Variants in TFEC observed in about 807,000 individuals in gnomAD.
The protein encoded by TFEC is transcription factor EC.
A neutral mutation model predicts 41.6 loss-of-function variants in TFEC; 31 were observed. That is an observed-to-expected ratio of 0.74 (90% CI 0.56 to 1.01). TFEC has a LOEUF of 1.01. Ranked by LOEUF, TFEC falls within the 50% of genes least tolerant of loss-of-function variation. The pLI, the probability that TFEC is intolerant of heterozygous loss-of-function variation, is 0.00. For missense variants in TFEC, 402 were observed against 404.1 expected, an observed-to-expected ratio of 0.99 and a Z score of 0.04; for synonymous variants, 143 against 140.6, an observed-to-expected ratio of 1.02 and a Z score of -0.12.
At chr7:116,155,428 T>C (rs1160400301) in intron 1 of TFEC, among the ~76,000 whole-genome samples, 2 of 152,228 alleles carry the variant, frequency 1.3e-5, no homozygotes, top group Non-Finnish European at 2.9e-5. Context: ...CTTCTTACTG[T>C]GCCATTGGGC....
chr7:116,110,967 A>G (rs1255908364), intron 2 of TFEC: 2 of 1,126,932 alleles, frequency 1.8e-6, no homozygotes, highest in Non-Finnish European at 2.4e-6. Context: ...TGTAAAACAC[A>G]TACAAAATAA....
chr7:116,011,374 A>G (rs1358662688), intron 1 of TFEC, among the ~76,000 whole-genome samples: 1 of 152,142 alleles, frequency 6.6e-6, no homozygotes, highest in Non-Finnish European at 1.5e-5. Flanking sequence ...AGGTGTCATG[A>G]TATCATAAAA....
intron 3 of TFEC, among the ~76,000 whole-genome samples, chr7:116,088,400 C>T (rs977997576): frequency 5.3e-5 from 8 of 152,040 alleles, no homozygotes; most frequent in Non-Finnish European, 1.0e-4. Flanking sequence ...TGGTAGTAGT[C>T]GGCTAAATAT....
At chr7:116,067,379 C>G (rs934019386) in intron 3 of TFEC, among the ~76,000 whole-genome samples, 2 of 151,934 alleles carry the variant, frequency 1.3e-5, no homozygotes, top group African/African-American at 4.8e-5. Flanking sequence ...AATGGCACCT[C>G]CAGTGAGATG....
chr7:115,971,358 G>A (rs1209253261), intron 3 of TFEC, among the ~76,000 whole-genome samples: 1 of 151,302 alleles, frequency 6.6e-6, no homozygotes, highest in Non-Finnish European at 1.5e-5. Context: ...GATATAATTG[G>A]CTTATAAAAT....
intron 3 of TFEC, among the ~76,000 whole-genome samples, chr7:116,040,038 G>C (rs1188546926): frequency 2.0e-5 from 3 of 152,108 alleles, no homozygotes; most frequent in African/African-American, 7.2e-5. Context: ...GACAAAGAGA[G>C]AGAGACAAAG....
intron 3 of TFEC, among the ~76,000 whole-genome samples, chr7:116,081,016 T>C (rs545759165): frequency 3.3e-5 from 5 of 150,952 alleles, no homozygotes; most frequent in East Asian, 3.9e-4. Context: ...TGTGTGTGTG[T>C]ATAAATATAA....
chr7:116,015,375 T>G (rs1795151281), intron 1 of TFEC, among the ~76,000 whole-genome samples: 1 of 152,104 alleles, frequency 6.6e-6, no homozygotes, highest in South Asian at 2.1e-4. Context: ...TTTTTCTCCC[T>G]TTCTTTCTCA....
chr7:116,093,369 C>A (rs1323420218), intron 3 of TFEC, among the ~76,000 whole-genome samples: 1 of 151,958 alleles, frequency 6.6e-6, no homozygotes, highest in East Asian at 1.9e-4. Context: ...CATAAAGGCA[C>A]AGGACAACAA....
chr7:116,049,982 G>T (rs181609681), intron 3 of TFEC, among the ~76,000 whole-genome samples: 1,537 of 152,320 alleles, frequency 0.01, 34 homozygotes, highest in African/African-American at 0.035. Context: ...TTAAAGCAGT[G>T]TGTAGAGGGA....
intron 1 of TFEC, among the ~76,000 whole-genome samples, chr7:116,144,708 G>C (rs138371987): frequency 6.6e-6 from 1 of 152,178 alleles, no homozygotes; most frequent in Non-Finnish European, 1.5e-5. Flanking sequence ...TCCATAATAT[G>C]AGTCGGCTTC....
At chr7:115,972,694 C>T (rs549132868) in intron 3 of TFEC, among the ~76,000 whole-genome samples, 1 of 152,168 alleles carries the variant, frequency 6.6e-6, no homozygotes, top group Non-Finnish European at 1.5e-5. Context: ...TATGTAAATA[C>T]ACTTAGACCA....
intron 1 of TFEC, among the ~76,000 whole-genome samples, chr7:116,014,068 C>A (rs1795101542): frequency 6.6e-6 from 1 of 152,020 alleles, no homozygotes; most frequent in Admixed American, 6.6e-5. Flanking sequence ...GCCTTCTTCT[C>A]CAGGAGAAAT....
chr7:116,076,464 A>G (rs1796962716), intron 3 of TFEC, among the ~76,000 whole-genome samples: 1 of 152,152 alleles, frequency 6.6e-6, no homozygotes, highest in East Asian at 1.9e-4. Flanking sequence ...AAAGTCGATT[A>G]TTAGGCTGAT....
At chr7:115,964,850 A>G (rs1018086892) in intron 3 of TFEC, among the ~76,000 whole-genome samples, 1 of 151,616 alleles carries the variant, frequency 6.6e-6, no homozygotes, top group African/African-American at 2.4e-5. Context: ...TATAGTATTA[A>G]GAGAAAACAT....
At chr7:116,133,309 G>A (rs997888830) in intron 1 of TFEC, among the ~76,000 whole-genome samples, 1 of 152,146 alleles carries the variant, frequency 6.6e-6, no homozygotes, top group East Asian at 1.9e-4. Context: ...CAGCACTTTG[G>A]GGGGCCAAGG....
At chr7:115,957,617 A>AT (rs1792304515) in intron 3 of TFEC, among the ~76,000 whole-genome samples, 1 of 151,930 alleles carries the variant, frequency 6.6e-6, no homozygotes, top group Admixed American at 6.6e-5. Flanking sequence ...TTCCAGAACA[A>AT]GCTGCATTCA....
At chr7:116,056,147 T>A (rs1480030049) in intron 3 of TFEC, among the ~76,000 whole-genome samples, 1 of 151,508 alleles carries the variant, frequency 6.6e-6, no homozygotes, top group Non-Finnish European at 1.5e-5. Flanking sequence ...AGACTAGACA[T>A]CATCAACAAA....
intron 1 of TFEC, among the ~76,000 whole-genome samples, chr7:116,126,756 T>C (rs905964128): frequency 9.9e-5 from 15 of 151,998 alleles, no homozygotes; most frequent in Admixed American, 3.3e-4. Flanking sequence ...CCCCAGTCAA[T>C]TGAGGGAGGA....
Sources: gnomAD v4.1 joint callset for allele counts (sites outside exome capture counted in the v4.1 genomes callset) on GRCh38, gnomAD v4.1.1 for gene constraint, MANE v1.5 for transcripts, NCBI Gene and HGNC (gene_info 2026-07-23, HGNC 2026-07-21) for gene names.